Variants in ZP3 observed in about 807,000 individuals in gnomAD.
ZP3 encodes zona pellucida sperm-binding protein 3.
Under a neutral mutation model 35.6 loss-of-function variants are expected in ZP3, and 21 were observed. The ratio of observed to expected loss-of-function variants is 0.59; its 90% confidence interval spans 0.42 to 0.85. The LOEUF (loss-of-function observed/expected upper bound fraction) is 0.85, where lower values mean the gene tolerates loss of function less well. Among genes scored for constraint, ZP3 ranks in the 40% least tolerant of loss-of-function variants. ZP3 has a pLI of 0.00. For missense variants in ZP3, 437 were observed against 536.5 expected (o/e 0.81, Z 1.83); for synonymous variants, 207 against 214.5 (o/e 0.96, Z 0.31).
chr7:76,423,168 AGAGAGAGAGG>A (rs919037081), upstream of ZP3, among the ~76,000 whole-genome samples: 6 of 151,320 alleles, frequency 4.0e-5, no homozygotes, highest in East Asian at 2.0e-4. Context: ...AGGCAGCATG[AGAGAGAGAGG>A]GAGAGAGAGG....
At chr7:76,401,808 T>A (rs1804838620) in intron 1 of ZP3, among the ~76,000 whole-genome samples, 1 of 152,196 alleles carries the variant, frequency 6.6e-6, no homozygotes, top group African/African-American at 2.4e-5. Flanking sequence ...TTCCTCTGAA[T>A]TCCTGGACAC....
intron 5 of ZP3, among the ~76,000 whole-genome samples, chr7:76,438,607 G>A (rs1437005799): frequency 6.8e-6 from 1 of 147,386 alleles, no homozygotes; most frequent in Non-Finnish European, 1.5e-5. Context: ...CTGGGTGGTG[G>A]GGGGTCTTTC....
intron 1 of ZP3, among the ~76,000 whole-genome samples, chr7:76,406,599 T>C (rs1195588335): frequency 6.6e-6 from 1 of 151,942 alleles, no homozygotes; most frequent in Non-Finnish European, 1.5e-5. Flanking sequence ...TCCTCCCGTC[T>C]CAGCCTCCTG....
At chr7:76,425,733 G>C (rs1298617662) in intron 1 of ZP3, among the ~76,000 whole-genome samples, 4 of 152,146 alleles carry the variant, frequency 2.6e-5, no homozygotes, top group Non-Finnish European at 1.5e-5. Context: ...GGGAGGCCAA[G>C]ACTGGAGGAT....
intron 1 of ZP3, among the ~76,000 whole-genome samples, chr7:76,416,587 G>T (rs1805374943): frequency 6.6e-6 from 1 of 151,920 alleles, no homozygotes; most frequent in Admixed American, 6.6e-5. Context: ...CAAGAGGATT[G>T]CTTGAGCTCA....
At chr7:76,399,307 C>G (rs940620186) in intron 1 of ZP3, among the ~76,000 whole-genome samples, 4 of 152,092 alleles carry the variant, frequency 2.6e-5, no homozygotes, top group African/African-American at 9.7e-5. Flanking sequence ...GCCACCGTGC[C>G]CAGCCTGAAG....
At chr7:76,405,344 T>C (rs1408257338) in intron 1 of ZP3, among the ~76,000 whole-genome samples, 1 of 108,012 alleles carries the variant, frequency 9.3e-6, no homozygotes, top group Non-Finnish European at 2.0e-5. Flanking sequence ...TCTTTCTTTT[T>C]TTTTTTTTTT....
intron 1 of ZP3, among the ~76,000 whole-genome samples, chr7:76,413,980 CTT>C (rs1369073766): frequency 6.9e-6 from 1 of 144,654 alleles, no homozygotes; most frequent in Non-Finnish European, 1.5e-5. Context: ...GCTGATTTTT[CTT>C]TCTTTCCTTC....
chr7:76,437,661 A>T (rs111398293), intron 5 of ZP3, among the ~76,000 whole-genome samples: 18,204 of 130,370 alleles, frequency 0.14, 4 homozygotes, highest in East Asian at 0.21. Flanking sequence ...TAATTTCTGT[A>T]TTTTTTTTTT....
chr7:76,404,942 C>A (rs1192793202), intron 1 of ZP3, among the ~76,000 whole-genome samples: 9 of 151,312 alleles, frequency 5.9e-5, no homozygotes, highest in Non-Finnish European at 8.8e-5. Context: ...TGGTGGAGTG[C>A]ACCTGTAATC....
At chr7:76,404,812 G>A (rs1584032321) in intron 1 of ZP3, among the ~76,000 whole-genome samples, 1 of 151,988 alleles carries the variant, frequency 6.6e-6, no homozygotes, top group Non-Finnish European at 1.5e-5. Flanking sequence ...GCTCATGCCT[G>A]TAATCCCAGC....
Position 76,425,167 on chromosome 7 carries a change from C to T in ZP3, c.203C>T (p.Ala68Val), listed in dbSNP as rs1805613087. ...DLFGTGKLIR[A>V]ADLTLGPEAC... The stretch of plus-strand genomic sequence containing the variant: ...TTTGGCACCGGGAAGCTCATCAGGG[C>T]TGCTGACCTCACCTTGGGCCCAGAG... The change falls in exon 1 of 8, where the codon GCT (alanine) becomes GTT (valine). Residue 68 changes from alanine (A) to valine (V), a missense_variant. By Grantham distance (64) the Ala-to-Val change is moderately conservative. This residue lies in a region of ZP3 where 352 missense variants were observed against 308.4 expected (regional missense o/e 1.14). Coordinates refer to ENST00000394857, the MANE Select transcript of ZP3 (RefSeq NM_001110354.2). 6.2e-7 allele frequency: 1 copy of T among 1,613,910 alleles called. No individual in the cohort carries two copies. Among genetic ancestry groups the T allele is most frequent in the Non-Finnish European group, 8.5e-7 (1 of 1,180,024 alleles).
chr7:76,421,958 G>A (rs555091294), upstream of ZP3, among the ~76,000 whole-genome samples: 5 of 151,998 alleles, frequency 3.3e-5, no homozygotes, highest in East Asian at 3.9e-4. Flanking sequence ...GTACAGCGGC[G>A]TGATCTTGGC....
intron 5 of ZP3, among the ~76,000 whole-genome samples, chr7:76,436,589 A>T (rs956714043): frequency 6.6e-6 from 1 of 152,204 alleles, no homozygotes; most frequent in Non-Finnish European, 1.5e-5. Flanking sequence ...CAACACACAG[A>T]TCAGTAGGGT....
chr7:76,421,664 G>A (rs890526363), upstream of ZP3, among the ~76,000 whole-genome samples: 8 of 150,144 alleles, frequency 5.3e-5, no homozygotes, highest in African/African-American at 1.7e-4. Context: ...GCGCAATCTC[G>A]GCTCACTGCA....
At chr7:76,411,919 G>A (rs1041899171) in intron 1 of ZP3, among the ~76,000 whole-genome samples, 2 of 152,168 alleles carry the variant, frequency 1.3e-5, no homozygotes, top group African/African-American at 4.8e-5. Context: ...TTAGCTGGGT[G>A]AGGTGGCGTG....
chr7:76,404,262 G>A, intron 1 of ZP3: 1 of 1,498,706 alleles, frequency 6.7e-7, no homozygotes, highest in South Asian at 1.3e-5. Flanking sequence ...GGACAACTGA[G>A]ATTCAGAAAG....
intron 1 of ZP3, chr7:76,398,911 GC>G: frequency 2.9e-6 from 3 of 1,040,964 alleles, no homozygotes; most frequent in Non-Finnish European, 4.3e-6. Flanking sequence ...AGAGCCTCTG[GC>G]CACACAAAGA....
chr7:76,404,554 G>A (rs971704693), intron 1 of ZP3: 77 of 1,510,558 alleles, frequency 5.1e-5, no homozygotes, highest in Non-Finnish European at 6.6e-5. Context: ...CACTTTGGGA[G>A]GCCGAGGTGG....
Sources: allele counts gnomAD v4.1 joint callset (sites outside exome capture counted in the v4.1 genomes callset), GRCh38; gene constraint gnomAD v4.1.1; regional missense constraint gnomAD v4.1.1; transcripts MANE v1.5; gene names NCBI Gene and HGNC (gene_info 2026-07-23, HGNC 2026-07-21).